COL27A1: variants seen among roughly 807,000 people sequenced by gnomAD.
COL27A1 encodes collagen alpha-1(XXVII) chain.
A neutral mutation model predicts 251.3 loss-of-function variants in COL27A1; 106 were observed. That is an observed-to-expected ratio of 0.42 (90% CI 0.36 to 0.50). The LOEUF is 0.50. COL27A1 is among the 20% of genes least tolerant of loss of function. The pLI is 0.00. For missense variants in COL27A1, 2,325 were observed against 2,522.8 expected (o/e 0.92, Z 1.68); for synonymous variants, 1,000 against 986.3 (o/e 1.01, Z -0.26).
In COL27A1 at chr9:114,311,548, G is replaced by GAAAAAAAAAAAAAAAAAGAAA. The variant is rs1829450933; in HGVS notation, c.*871_*872insAAAAAAAAAAAAAAAAAAAAG. 2 of 96,222 alleles carry GAAAAAAAAAAAAAAAAAGAAA rather than the reference G, an allele frequency of 2.1e-5. No individual in the cohort carries two copies. The highest frequency in any genetic ancestry group is 3.4e-5 in the African/African-American group (1 of 29,316). 6.0% of individuals were successfully genotyped at this position (96,222 alleles called of 1,614,324 possible). ...AGGAGGAAAAAAGAAAAGAAAAAAGGAAAAAAAAAAAAAAAAAGCAAAACA... is the reference window on the plus strand; with the variant it reads ...AGGAGGAAAAAAGAAAAGAAAAAAGGAAAAAAAAAAAAAAAAAGAAAAAAAAAAAAAAAAAAAAGCAAAACA... On this transcript the variant is annotated 3_prime_UTR_variant, in exon 61 of 61. Transcript: ENST00000356083.
At chr9:114,264,305 C>A in intron 28 of COL27A1, 50 bp from the exon 29 acceptor site, 1 of 1,461,784 alleles carries the variant, frequency 6.8e-7, no homozygotes, top group Non-Finnish European at 9.2e-7. Context: ...GTTCTCCGCC[C>A]GAGGGAGACC....
intron 19 of COL27A1, among the ~76,000 whole-genome samples, chr9:114,239,058 C>A (rs577881734): frequency 6.6e-6 from 1 of 152,324 alleles, no homozygotes; most frequent in South Asian, 2.1e-4. Flanking sequence ...ACTCTGTAGC[C>A]GAGAGATAGC....
At chr9:114,175,290 C>T (rs777196793) in intron 3 of COL27A1, among the ~76,000 whole-genome samples, 6 of 152,256 alleles carry the variant, frequency 3.9e-5, no homozygotes, top group African/African-American at 4.8e-5. Flanking sequence ...TTGTTTGCAA[C>T]GCAAAGTGGA....
intron 18 of COL27A1, 136 bp downstream of exon 18, chr9:114,237,170 G>T: frequency 1.3e-6 from 1 of 782,150 alleles, no homozygotes. Flanking sequence ...GGGCAGGGCA[G>T]GAATGGGATG....
chr9:114,284,470 A>G (rs1213412405), intron 40 of COL27A1, among the ~76,000 whole-genome samples: 1 of 151,870 alleles, frequency 6.6e-6, no homozygotes, highest in Non-Finnish European at 1.5e-5. Flanking sequence ...CTCCCGAGTC[A>G]CCCTTCCAGG....
intron 1 of COL27A1, among the ~76,000 whole-genome samples, chr9:114,161,053 T>C (rs891727): frequency 0.32 from 48,830 of 151,994 alleles, 8,391 homozygotes; most frequent in Middle Eastern, 0.49. Flanking sequence ...TCAAGAGGCC[T>C]CAAGGAAGAG....
chr9:114,179,605 C>G lies in COL27A1; in HGVS notation c.1962+1261C>G, dbSNP rs56735734. On this transcript the variant is annotated intron_variant, in intron 4 of 60. Transcript: ENST00000356083. The stretch of plus-strand genomic sequence containing the variant: ...CCTGTCCCCTCTGGATGGCATGGGC[C>G]ACTTTCTCAAAGCTCTCATTGACCA... Among the ~76,000 whole-genome samples, 355 of 152,344 alleles carry G rather than the reference C, an allele frequency of 2.3e-3. 1 individual carries two copies. The highest frequency in any genetic ancestry group is 8.1e-3 in the African/African-American group (338 of 41,584).
chr9:114,264,266 C>T (rs1316979496), intron 28 of COL27A1, 89 bp from the exon 29 acceptor site: 1 of 1,044,462 alleles, frequency 9.6e-7, no homozygotes, highest in East Asian at 2.9e-5. Context: ...AGGGGAAGGC[C>T]CCAGGCTTGG....
intron 5 of COL27A1, among the ~76,000 whole-genome samples, chr9:114,187,173 C>G (rs1485224815): frequency 1.3e-5 from 2 of 152,260 alleles, no homozygotes; most frequent in Non-Finnish European, 2.9e-5. Flanking sequence ...CTCTAATGTT[C>G]CTTCCTTTGG....
intron 3 of COL27A1, among the ~76,000 whole-genome samples, chr9:114,173,263 G>T (rs1338496216): frequency 2.6e-5 from 4 of 152,256 alleles, no homozygotes; most frequent in Non-Finnish European, 5.9e-5. Flanking sequence ...ACTGGCATTT[G>T]CCCGTGCTTG....
At chr9:114,218,475 TG>T (rs1458245813) in intron 12 of COL27A1, 1 of 152,286 alleles carries the variant, frequency 6.6e-6, no homozygotes. Flanking sequence ...GGCCATGTGA[TG>T]TTGCCTAACC....
chr9:114,165,402 T>C (rs1848760623), intron 2 of COL27A1, among the ~76,000 whole-genome samples: 2 of 144,910 alleles, frequency 1.4e-5, no homozygotes, highest in African/African-American at 2.6e-5. Context: ...ATCCATCCAT[T>C]CATCTGCCCT....
Position 114,195,998 on chromosome 9 carries a change from C to T in COL27A1, c.2110C>T (p.Pro704Ser). 1 of 1,614,074 alleles carries T rather than the reference C, an allele frequency of 6.2e-7. No homozygotes were observed. The highest frequency in any genetic ancestry group is 1.1e-5 in the South Asian group (1 of 91,078). Reference protein sequence around the residue: ...GLPGLSGNPGPPGRKGHKGYP... With the variant: ...GLPGLSGNPGSPGRKGHKGYP... ...GCCTGGGCTCTCCGGGAATCCAGGA[C>T]CTCCGGGACGAAAGGTACTGTTTGG... Residue 704 changes from proline to serine, a missense_variant, in exon 7 of 61, where the codon CCT becomes TCT. Pro to Ser is a moderately conservative substitution (Grantham distance 74). This residue lies in a region of COL27A1 where 1,183 missense variants were observed against 1,144.1 expected (regional missense o/e 1.03). Coordinates refer to ENST00000356083, the MANE Select transcript of COL27A1 (RefSeq NM_032888.4).
chr9:114,156,306 G>T (rs945596837), intron 1 of COL27A1, among the ~76,000 whole-genome samples: 1 of 151,152 alleles, frequency 6.6e-6, no homozygotes, highest in Non-Finnish European at 1.5e-5. Context: ...GCCTGGAGCG[G>T]CCGGCGGGGT....
At chr9:114,164,696 C>G (rs1848712152) in intron 2 of COL27A1, among the ~76,000 whole-genome samples, 1 of 152,208 alleles carries the variant, frequency 6.6e-6, no homozygotes, top group Non-Finnish European at 1.5e-5. Context: ...TCCTCCCATT[C>G]TAAGTCCCAG....
At chr9:114,241,744 G>A (rs117729470) in intron 21 of COL27A1, among the ~76,000 whole-genome samples, 1 of 152,316 alleles carries the variant, frequency 6.6e-6, no homozygotes, top group African/African-American at 2.4e-5. Context: ...AAAGAATAAG[G>A]CATCACTGCT....
At chr9:114,305,976 C>A (rs1403262959) in intron 57 of COL27A1, among the ~76,000 whole-genome samples, 1 of 152,170 alleles carries the variant, frequency 6.6e-6, no homozygotes, top group African/African-American at 2.4e-5. Flanking sequence ...CCCTGAATGG[C>A]CGGCTGTTTA....
At chr9:114,165,670 AT>A (rs2135050105) in intron 2 of COL27A1, among the ~76,000 whole-genome samples, 1 of 150,318 alleles carries the variant, frequency 6.7e-6, no homozygotes, top group Non-Finnish European at 1.5e-5. Flanking sequence ...CCATCCATCC[AT>A]CCATCCATCC....
chr9:114,295,809 C>T (rs147775562), intron 49 of COL27A1, among the ~76,000 whole-genome samples: 33 of 152,168 alleles, frequency 2.2e-4, no homozygotes, highest in African/African-American at 6.5e-4. Context: ...CCACGATGCC[C>T]GGCTAATTTT....
Sources: allele counts gnomAD v4.1 joint callset (sites outside exome capture counted in the v4.1 genomes callset), GRCh38; gene constraint gnomAD v4.1.1; regional missense constraint gnomAD v4.1.1; transcripts MANE v1.5; gene names NCBI Gene and HGNC (gene_info 2026-07-23, HGNC 2026-07-21).